NCKAP5: variants seen among roughly 807,000 people sequenced by gnomAD.
NCKAP5 encodes nck-associated protein 5.
NCKAP5 carries 92 observed loss-of-function variants against 167.0 expected under a neutral mutation model. The ratio of observed to expected loss-of-function variants is 0.55; its 90% CI spans 0.47 to 0.66. The LOEUF is 0.66. Among genes scored for constraint, NCKAP5 ranks in the 30% least tolerant of loss-of-function variants. NCKAP5 has a pLI of 0.00. For synonymous variants in NCKAP5, 891 were observed against 877.4 expected (o/e 1.02, Z -0.27); for missense variants, 2,378 against 2,315.0 (o/e 1.03, Z -0.56).
At chr2:133,534,409 T>C (rs1446879347) in intron 2 of NCKAP5, among the ~76,000 whole-genome samples, 3 of 152,184 alleles carry the variant, frequency 2.0e-5, no homozygotes, top group Non-Finnish European at 4.4e-5. Context: ...TTCAGAGTTG[T>C]ACCACTAGTA....
intron 2 of NCKAP5, among the ~76,000 whole-genome samples, chr2:133,521,659 T>A (rs1684487457): frequency 6.6e-6 from 1 of 152,170 alleles, no homozygotes; most frequent in East Asian, 1.9e-4. Context: ...TGTGTGCACA[T>A]CCCCATGTCT....
chr2:132,846,094 A>T (rs1688642560), intron 11 of NCKAP5, among the ~76,000 whole-genome samples: 1 of 152,144 alleles, frequency 6.6e-6, no homozygotes, highest in Non-Finnish European at 1.5e-5. Flanking sequence ...GATATATAAG[A>T]AATATATCGG....
At chr2:133,023,266 T>G (rs932905749) in intron 6 of NCKAP5, among the ~76,000 whole-genome samples, 16 of 152,294 alleles carry the variant, frequency 1.1e-4, no homozygotes, top group African/African-American at 3.8e-4. Flanking sequence ...AACTTTTAAG[T>G]TTTCTCCATA....
the NCKAP5 span, among the ~76,000 whole-genome samples, chr2:133,606,881 C>A: frequency 1.5e-3 from 226 of 152,228 alleles, 1 homozygote; most frequent in Middle Eastern, 6.8e-3. Flanking sequence ...CCAGATATTG[C>A]CCATCAGAAA....
chr2:133,376,038 A>C (rs1692753501), intron 3 of NCKAP5, among the ~76,000 whole-genome samples: 1 of 152,210 alleles, frequency 6.6e-6, no homozygotes, highest in South Asian at 2.1e-4. Context: ...GGTGTACAGG[A>C]AACAAAAGTG....
chr2:133,072,373 C>G (rs1458870535), intron 6 of NCKAP5, among the ~76,000 whole-genome samples: 1 of 152,164 alleles, frequency 6.6e-6, no homozygotes. Flanking sequence ...CCTCCAACAT[C>G]TCACCTTTTC....
At chr2:132,693,275 T>C (rs1005004327) in intron 19 of NCKAP5, among the ~76,000 whole-genome samples, 4 of 152,158 alleles carry the variant, frequency 2.6e-5, no homozygotes, top group African/African-American at 9.7e-5. Context: ...GGAAATAGGT[T>C]TTTTAGATTT....
chr2:133,484,098 T>A (rs976079112), intron 3 of NCKAP5, among the ~76,000 whole-genome samples: 1 of 152,180 alleles, frequency 6.6e-6, no homozygotes, highest in South Asian at 2.1e-4. Context: ...AAAAAGGCCC[T>A]TGCATGATGG....
intron 6 of NCKAP5, among the ~76,000 whole-genome samples, chr2:133,128,945 A>ATTTTTTTTTTTTTTTTTTTTT (rs10584100): frequency 7.7e-6 from 1 of 130,090 alleles, no homozygotes; most frequent in Non-Finnish European, 1.6e-5. Flanking sequence ...AAACTCACTG[A>ATTTTTTTTTTTTTTTTTTTTT]TTTTTTTTTT....
intron 7 of NCKAP5, among the ~76,000 whole-genome samples, chr2:132,970,421 T>C (rs1476401883): frequency 6.6e-6 from 1 of 152,186 alleles, no homozygotes; most frequent in Non-Finnish European, 1.5e-5. Flanking sequence ...AGAGAATAAG[T>C]TGATTCTAGA....
chr2:132,940,606 T>G (rs1408253644), intron 8 of NCKAP5, among the ~76,000 whole-genome samples: 1 of 152,206 alleles, frequency 6.6e-6, no homozygotes, highest in African/African-American at 2.4e-5. Flanking sequence ...GACTTATGAT[T>G]GACAGGATAT....
At chr2:133,013,144 G>A (rs920840460) in intron 6 of NCKAP5, among the ~76,000 whole-genome samples, 7 of 152,182 alleles carry the variant, frequency 4.6e-5, no homozygotes, top group Non-Finnish European at 8.8e-5. Flanking sequence ...CTGAAAACAG[G>A]TGACATTTTT....
intron 3 of NCKAP5, among the ~76,000 whole-genome samples, chr2:133,377,894 C>T (rs926098524): frequency 1.3e-5 from 2 of 151,964 alleles, no homozygotes; most frequent in South Asian, 2.1e-4. Context: ...AGGAAAACCC[C>T]TGATCCACAC....
At chr2:132,927,826 G>A (rs887670230) in intron 8 of NCKAP5, among the ~76,000 whole-genome samples, 8 of 151,936 alleles carry the variant, frequency 5.3e-5, no homozygotes, top group African/African-American at 1.9e-4. Flanking sequence ...CAGAGGTAAT[G>A]GGCTTTAATA....
At chr2:132,706,057 C>G (rs1688327356) in intron 19 of NCKAP5, among the ~76,000 whole-genome samples, 2 of 152,050 alleles carry the variant, frequency 1.3e-5, no homozygotes, top group Non-Finnish European at 2.9e-5. Flanking sequence ...CATATATATA[C>G]ACATATACAA....
intron 1 of NCKAP5, among the ~76,000 whole-genome samples, chr2:133,567,401 A>C (rs1254558379): frequency 2.6e-5 from 4 of 152,190 alleles, no homozygotes; most frequent in African/African-American, 9.7e-5. Flanking sequence ...CTTCCTATTT[A>C]AATCCCAGAG....
chr2:133,225,929 CG>C (rs1264835531), intron 4 of NCKAP5, among the ~76,000 whole-genome samples: 34 of 151,640 alleles, frequency 2.2e-4, no homozygotes, highest in African/African-American at 7.5e-4. Context: ...ACTACAGGCA[CG>C]TGCCACCACA....
At chr2:132,765,583 C>T (rs1421966878) in intron 16 of NCKAP5, among the ~76,000 whole-genome samples, 2 of 106,084 alleles carry the variant, frequency 1.9e-5, no homozygotes, top group South Asian at 2.9e-4. Context: ...CATGAGCCAC[C>T]GTGCCCGGCC....
At chr2:132,775,338 T>C (rs1414663565) in intron 15 of NCKAP5, among the ~76,000 whole-genome samples, 1 of 152,220 alleles carries the variant, frequency 6.6e-6, no homozygotes, top group African/African-American at 2.4e-5. Flanking sequence ...AATATTAGAA[T>C]GTAATTGGTG....
Sources: allele counts gnomAD v4.1 joint callset (sites outside exome capture counted in the v4.1 genomes callset), GRCh38; gene constraint gnomAD v4.1.1; transcripts MANE v1.5; gene names NCBI Gene and HGNC (gene_info 2026-07-23, HGNC 2026-07-21).